PTGER1: variants seen among roughly 807,000 people sequenced by gnomAD.
PTGER1 encodes the protein prostaglandin E2 receptor EP1 subtype.
In PTGER1, 15 loss-of-function variants were observed where a neutral mutation model predicts 18.5. That is an observed-to-expected ratio of 0.81 (90% confidence interval 0.54 to 1.25). The LOEUF is 1.25. Ranked by LOEUF, PTGER1 falls within the 50% of genes most tolerant of loss-of-function variation. PTGER1 has a pLI of 0.00. For synonymous variants in PTGER1, 339 were observed against 308.4 expected, an observed-to-expected ratio of 1.10 and a Z score of -1.04; for missense variants, 567 against 603.4, an observed-to-expected ratio of 0.94 and a Z score of 0.63.
rs202027477 is a variant in PTGER1 at position 14,474,264 on chromosome 19, C to A, written c.57G>T (p.Ala19=). 2 of 1,530,710 alleles carry A rather than the reference C, an allele frequency of 1.3e-6. No homozygotes were observed. The highest frequency in any genetic ancestry group is 1.4e-5 in the African/African-American group (1 of 72,298). The allele number at this position is 1,530,710 out of a possible 1,614,324, so 94.8% of individuals were successfully genotyped here. ...LSLAGEATTC[A]APWVPNTSAV... The stretch of plus-strand genomic sequence containing the variant: ...CCGACGTGTTGGGGACCCAGGGCGC[C>A]GCGCATGTGGTCGCCTCGCCCGCCA... Residue 19 remains alanine, a synonymous_variant, in exon 2 of 3, where the codon GCG becomes GCT. Coordinates refer to ENST00000292513, the MANE Select transcript of PTGER1 (RefSeq NM_000955.3). This position sits in a 1 kb window ranked among gnomAD's most constrained non-coding sequence, Gnocchi z 5.4.
rs751931654 is a variant in PTGER1 at position 14,474,210 on chromosome 19, C to A, written c.111G>T (p.Ala37=). 22 of 1,525,504 alleles carry A rather than the reference C, an allele frequency of 1.4e-5. No homozygotes were observed. Among genetic ancestry groups the A allele is most frequent in the Non-Finnish European group, 1.8e-5 (20 of 1,142,136 alleles). The allele number at this position is 1,525,504 out of a possible 1,614,324, so 94.5% of individuals were successfully genotyped here. A position where few individuals can be genotyped will look rare whatever the true frequency, so the allele number is the denominator to read the frequency against. Residue 37 remains alanine, a synonymous_variant, in exon 2 of 3, where the codon GCG becomes GCT. Coordinates refer to ENST00000292513, the MANE Select transcript of PTGER1 (RefSeq NM_000955.3). The surrounding 1 kb of genome is among the most constrained non-coding windows in gnomAD (Gnocchi z 5.4). ...SAVPPSGASP[A]LPIFSMTLGA... is the part of the protein sequence containing the mutation. ...CCAGCGTCATGGAGAAGATGGGCAGCGCGGGCGAAGCGCCCGACGGCGGCA... is the reference window on the plus strand; with the variant it reads ...CCAGCGTCATGGAGAAGATGGGCAGAGCGGGCGAAGCGCCCGACGGCGGCA...
Position 14,473,215 on chromosome 19 carries a change from T to G in PTGER1, c.942+164A>C, listed in dbSNP as rs2071582176. On this transcript the variant is annotated intron_variant, in intron 2 of 2. Transcript: ENST00000292513. This position sits in a 1 kb window ranked among gnomAD's most constrained non-coding sequence, Gnocchi z 7.1. The stretch of plus-strand genomic sequence containing the variant: ...CTAGGAGGAAGGATGGGAGGTCAGA[T>G]GGAGAAGGCGATGCTGGCTTTCGGG... 6.6e-6 allele frequency among the ~76,000 whole-genome samples: 1 copy of G among 151,586 alleles called. No individual in the cohort carries two copies. The highest frequency in any genetic ancestry group is 6.6e-5 in the Admixed American group (1 of 15,234).
chr19:14,473,924 C>CG lies in PTGER1; in HGVS notation c.396dup (p.Val133ArgfsTer48). On this transcript the variant is annotated frameshift_variant, in exon 2 of 3. Transcript: ENST00000292513. LOFTEE classifies it high-confidence loss of function. This position sits in a 1 kb window ranked among gnomAD's most constrained non-coding sequence, Gnocchi z 7.1. ...CGCGTGACGCCCACGCAGCGCTCCACGGCCATGCCACAGCCCAGCAGCAGC... is the reference window on the plus strand; with the variant it reads ...CGCGTGACGCCCACGCAGCGCTCCACGGGCCATGCCACAGCCCAGCAGCAGC... The CG allele has an allele frequency of 6.9e-7, 1 of 1,447,402 alleles. No homozygotes were observed. Among genetic ancestry groups the CG allele is most frequent in the Non-Finnish European group, 9.1e-7 (1 of 1,103,876 alleles). The allele number at this position is 1,447,402 out of a possible 1,614,324, so 89.7% of individuals were successfully genotyped here. A position where few individuals can be genotyped will look rare whatever the true frequency, so the allele number is the denominator to read the frequency against.
Position 14,473,763 on chromosome 19 carries a change from C to T in PTGER1, c.558G>A (p.Thr186=). The change falls in exon 2 of 3, where the codon ACG becomes ACA. Residue 186 remains threonine, a synonymous_variant. Coordinates refer to ENST00000292513, the MANE Select transcript of PTGER1 (RefSeq NM_000955.3). The surrounding 1 kb of genome is among the most constrained non-coding windows in gnomAD (Gnocchi z 7.1). ...GGGGACCCAGGCCGATGAAGCACCA[C>T]GTGCCCGGGTACTGCAGCTCATAGC... ...VGRYELQYPG[T]WCFIGLGPPG... is the part of the protein sequence containing the mutation. 6.9e-7 allele frequency: 1 copy of T among 1,458,080 alleles called. No homozygotes were observed. Among genetic ancestry groups the T allele is most frequent in the Non-Finnish European group, 9.0e-7 (1 of 1,110,030 alleles). 90.3% of individuals were successfully genotyped at this position (1,458,080 alleles called of 1,614,324 possible).
chr19:14,472,853 A>G (rs2071578515), intron 2 of PTGER1, 27 bp from the exon 3 acceptor site: 1 of 1,529,066 alleles, frequency 6.5e-7, no homozygotes, highest in East Asian at 2.5e-5. Context: ...TGTGAGCTAT[A>G]GAGCAGGCGC....
At position 14,473,154 on chromosome 19, in the gene PTGER1, G is replaced by T. The variant is rs540312277; in HGVS notation, c.942+225C>A. Among the ~76,000 whole-genome samples the T allele has an allele frequency of 6.6e-6, 1 of 151,866 alleles. No homozygotes were observed. The highest frequency in any genetic ancestry group is 1.9e-4 in the East Asian group (1 of 5,140). ...AGGAGGCTTGTGTGGGTCGGGGTGC[G>T]CTACAAAGACCCCAAAAAGGAAGAG... On this transcript the variant is annotated intron_variant, in intron 2 of 2. Coordinates refer to ENST00000292513, the MANE Select transcript of PTGER1 (RefSeq NM_000955.3). This position sits in a 1 kb window ranked among gnomAD's most constrained non-coding sequence, Gnocchi z 7.1.
rs1374287965 is a variant in PTGER1, at chr19:14,474,145, TGCGCCAGCAGCGCCA to T, written c.161_175del (p.Leu54_Ala58del). ...GCGGCGTCGCAGGCGGCCCGCGGCC[TGCGCCAGCAGCGCCA>T]GCGCCAGCAGGTTGGACACGGCGCC... On this transcript the variant is annotated inframe_deletion, in exon 2 of 3. Transcript: ENST00000292513. This position sits in a 1 kb window ranked among gnomAD's most constrained non-coding sequence, Gnocchi z 5.4. 44 of 1,443,368 alleles carry T rather than the reference TGCGCCAGCAGCGCCA, an allele frequency of 3.0e-5. No individual in the cohort carries two copies. The highest frequency in any genetic ancestry group is 3.5e-5 in the Non-Finnish European group (39 of 1,109,424). 89.4% of individuals were successfully genotyped at this position (1,443,368 alleles called of 1,614,324 possible). A position where few individuals can be genotyped will look rare whatever the true frequency, so the allele number is the denominator to read the frequency against.
rs2071588515 is a variant in PTGER1, at chr19:14,473,693, G to C, written c.628C>G (p.Leu210Val). The C allele has an allele frequency of 6.8e-7, 1 of 1,476,316 alleles. No homozygotes were observed. Among genetic ancestry groups the C allele is most frequent in the Non-Finnish European group, 8.9e-7 (1 of 1,120,284 alleles). The allele number at this position is 1,476,316 out of a possible 1,614,324, so 91.5% of individuals were successfully genotyped here. A position where few individuals can be genotyped will look rare whatever the true frequency, so the allele number is the denominator to read the frequency against. ...GCGGCGAGGAGCGCGACCAGGCCGA[G>C]GCTGGCGAAGAGGCCAGCAAGCAGT... is the stretch of plus-strand genomic sequence containing the variant. ...QALLAGLFAS[L>V]GLVALLAALV... Residue 210 changes from leucine (L) to valine (V), a missense_variant, in exon 2 of 3, where the codon CTC (leucine) becomes GTC (valine). Leu to Val is a conservative substitution (Grantham distance 32). Transcript: ENST00000292513. This position sits in a 1 kb window ranked among gnomAD's most constrained non-coding sequence, Gnocchi z 7.1.
At position 14,472,818 on chromosome 19, in the gene PTGER1, C is replaced by A; in HGVS notation, c.951G>T (p.Val317=). The change falls in exon 3 of 3, where the codon GTG becomes GTT. Residue 317 remains valine, a synonymous_variant. Coordinates refer to ENST00000292513, the MANE Select transcript of PTGER1 (RefSeq NM_000955.3). ...AGCTCCAGCCGCCGACGGCCAGCGC[C>A]ACCAACACCTGCGGGGGAAGCCGGT... ...CICWSPMLVL[V]ALAVGGWSST... is the part of the protein sequence containing the mutation. The A allele has an allele frequency of 6.4e-7, 1 of 1,552,796 alleles. No individual in the cohort carries two copies. The highest frequency in any genetic ancestry group is 8.7e-7 in the Non-Finnish European group (1 of 1,151,024).
chr19:14,474,441 T>C lies in PTGER1; in HGVS notation c.-17-104A>G. The C allele has an allele frequency of 7.8e-7, 1 of 1,281,544 alleles. No homozygotes were observed. The highest frequency in any genetic ancestry group is 1.0e-6 in the Non-Finnish European group (1 of 987,046). 79.4% of individuals were successfully genotyped at this position (1,281,544 alleles called of 1,614,324 possible). Reference sequence around the variant, plus strand: ...CAGGGCCTGTTTGACTCCATGGCGTTCTCAGGCGGCCCCTCTGCCCATGGC... The same window carrying C: ...CAGGGCCTGTTTGACTCCATGGCGTCCTCAGGCGGCCCCTCTGCCCATGGC... On this transcript the variant is annotated intron_variant, in intron 1 of 2. Transcript: ENST00000292513. This position sits in a 1 kb window ranked among gnomAD's most constrained non-coding sequence, Gnocchi z 5.4.
Position 14,472,755 on chromosome 19 carries a change from G to A in PTGER1, c.1014C>T (p.Arg338=). ...CCAGGATCTGGTTCCAGGAGGCAAG[G>A]CGCACGGCCAGGAACAGTGGCCGCT... The part of the protein sequence containing the change: ...SLQRPLFLAV[R]LASWNQILDP... The change falls in exon 3 of 3, where the codon CGC becomes CGT. Residue 338 remains arginine, a synonymous_variant. Transcript: ENST00000292513. 1.9e-6 allele frequency: 3 copies of A among 1,598,650 alleles called. No individual in the cohort carries two copies. Among genetic ancestry groups the A allele is most frequent in the Non-Finnish European group, 2.6e-6 (3 of 1,173,126 alleles).
rs1478249305 is a variant in PTGER1, at chr19:14,474,223, C to A, written c.98G>T (p.Gly33Val). The stretch of plus-strand genomic sequence containing the variant: ...GAAGATGGGCAGCGCGGGCGAAGCG[C>A]CCGACGGCGGCACGGCCGACGTGTT... ...VPNTSAVPPS[G>V]ASPALPIFSM... Residue 33 changes from glycine (G) to valine (V), a missense_variant, in exon 2 of 3, where the codon GGC becomes GTC. Transcript: ENST00000292513. This position sits in a 1 kb window ranked among gnomAD's most constrained non-coding sequence, Gnocchi z 5.4. 1 of 1,526,954 alleles carries A rather than the reference C, an allele frequency of 6.5e-7. No homozygotes were observed. The highest frequency in any genetic ancestry group is 1.4e-5 in the African/African-American group (1 of 71,782). The allele number at this position is 1,526,954 out of a possible 1,614,324, so 94.6% of individuals were successfully genotyped here.
Position 14,473,601 on chromosome 19 carries a change from C to A in PTGER1, c.720G>T (p.Arg240=), listed in dbSNP as rs1599339546. 1 of 1,463,432 alleles carries A rather than the reference C, an allele frequency of 6.8e-7. No homozygotes were observed. The highest frequency in any genetic ancestry group is 2.8e-5 in the East Asian group (1 of 35,474). The allele number at this position is 1,463,432 out of a possible 1,614,324, so 90.7% of individuals were successfully genotyped here. A position where few individuals can be genotyped will look rare whatever the true frequency, so the allele number is the denominator to read the frequency against. The stretch of plus-strand genomic sequence containing the variant: ...TGTCGGGGCCTGAGGCCGGGGGAGG[C>A]CGTCGGGAGCGGCGTCGCCAGCGGG... The part of the protein sequence containing the change: ...LRARWRRRSR[R]PPPASGPDSR... The change falls in exon 2 of 3, where the codon CGG becomes CGT. Residue 240 remains arginine, a synonymous_variant. Transcript: ENST00000292513. This position sits in a 1 kb window ranked among gnomAD's most constrained non-coding sequence, Gnocchi z 7.1.
chr19:14,473,589 G>T lies in PTGER1; in HGVS notation c.732C>A (p.Ala244=). 6.8e-7 allele frequency: 1 copy of T among 1,469,514 alleles called. No homozygotes were observed. Among genetic ancestry groups the T allele is most frequent in the Non-Finnish European group, 8.9e-7 (1 of 1,120,854 alleles). 91.0% of individuals were successfully genotyped at this position (1,469,514 alleles called of 1,614,324 possible). Residue 244 remains alanine (A), a synonymous_variant, in exon 2 of 3, where the codon GCC becomes GCA. Coordinates refer to ENST00000292513, the MANE Select transcript of PTGER1 (RefSeq NM_000955.3). This position sits in a 1 kb window ranked among gnomAD's most constrained non-coding sequence, Gnocchi z 7.1. Reference sequence around the variant, plus strand: ...AGCGACGCCGGCTGTCGGGGCCTGAGGCCGGGGGAGGCCGTCGGGAGCGGC... The same window carrying T: ...AGCGACGCCGGCTGTCGGGGCCTGATGCCGGGGGAGGCCGTCGGGAGCGGC... ...WRRRSRRPPP[A]SGPDSRRRWG...
chr19:14,472,689 G>T lies in PTGER1; in HGVS notation c.1080C>A (p.Arg360=). 6.2e-7 allele frequency: 1 copy of T among 1,611,972 alleles called. No individual in the cohort carries two copies. The highest frequency in any genetic ancestry group is 8.5e-7 in the Non-Finnish European group (1 of 1,179,204). Residue 360 remains arginine, a synonymous_variant, in exon 3 of 3, where the codon CGC becomes CGA. Transcript: ENST00000292513. ...TCGGGGGCAAGAGGCGAAGCAGTTGGCGCAGCACGGCCTGGCGCAGTAGGA... is the reference window on the plus strand; with the variant it reads ...TCGGGGGCAAGAGGCGAAGCAGTTGTCGCAGCACGGCCTGGCGCAGTAGGA... ...VYILLRQAVL[R]QLLRLLPPRA... is the part of the protein sequence containing the mutation.
rs1481128606 is a variant in PTGER1, at chr19:14,474,448, C to A, written c.-17-111G>T. The A allele has an allele frequency of 1.6e-6, 2 of 1,244,674 alleles. No homozygotes were observed. The highest frequency in any genetic ancestry group is 1.6e-5 in the African/African-American group (1 of 62,288). 77.1% of individuals were successfully genotyped at this position (1,244,674 alleles called of 1,614,324 possible). ...TGTTTGACTCCATGGCGTTCTCAGG[C>A]GGCCCCTCTGCCCATGGCAGTTGCC... On this transcript the variant is annotated intron_variant, in intron 1 of 2. Coordinates refer to ENST00000292513, the MANE Select transcript of PTGER1 (RefSeq NM_000955.3). This position sits in a 1 kb window ranked among gnomAD's most constrained non-coding sequence, Gnocchi z 5.4.
In PTGER1 at chr19:14,472,665, C is replaced by T. The variant is rs759905580; in HGVS notation, c.1104G>A (p.Pro368=). 3.1e-6 allele frequency: 5 copies of T among 1,610,562 alleles called. No individual in the cohort carries two copies. The East Asian group carries it at 6.7e-5, about 22-fold the overall frequency. The change falls in exon 3 of 3, where the codon CCG becomes CCA. Residue 368 remains proline, a synonymous_variant. Transcript: ENST00000292513. ...VLRQLLRLLP[P]RAGAKGGPAG... is the part of the protein sequence containing the mutation. ...CGGGGCCGCCCTTGGCTCCGGCCCT[C>T]GGGGGCAAGAGGCGAAGCAGTTGGC...
Position 14,473,905 on chromosome 19 carries a change from A to G in PTGER1, c.416T>C (p.Val139Ala), listed in dbSNP as rs1448675313. The G allele has an allele frequency of 3.7e-6, 5 of 1,358,126 alleles. No individual in the cohort carries two copies. Among genetic ancestry groups the G allele is most frequent in the Non-Finnish European group, 4.7e-6 (5 of 1,058,050 alleles). 84.1% of individuals were successfully genotyped at this position (1,358,126 alleles called of 1,614,324 possible). Residue 139 changes from valine (V) to alanine (A), a missense_variant, in exon 2 of 3, where the codon GTC becomes GCC. Transcript: ENST00000292513. This position sits in a 1 kb window ranked among gnomAD's most constrained non-coding sequence, Gnocchi z 7.1. ...CGMAVERCVG[V>A]TRPLLHAARV... is the part of the protein sequence containing the mutation. ...CGCGGCGTGGAGCAGCGGCCGCGTGACGCCCACGCAGCGCTCCACGGCCAT... is the reference window on the plus strand; with the variant it reads ...CGCGGCGTGGAGCAGCGGCCGCGTGGCGCCCACGCAGCGCTCCACGGCCAT...
chr19:14,473,685 C>G lies in PTGER1; in HGVS notation c.636G>C (p.Leu212=). Residue 212 remains leucine (L), a synonymous_variant, in exon 2 of 3, where the codon CTG becomes CTC. Transcript: ENST00000292513. This position sits in a 1 kb window ranked among gnomAD's most constrained non-coding sequence, Gnocchi z 7.1. ...LLAGLFASLG[L]VALLAALVCN... ...ACACCAGCGCGGCGAGGAGCGCGAC[C>G]AGGCCGAGGCTGGCGAAGAGGCCAG... The G allele has an allele frequency of 1.4e-6, 2 of 1,475,238 alleles. No homozygotes were observed. The highest frequency in any genetic ancestry group is 1.5e-5 in the African/African-American group (1 of 68,196). 91.4% of individuals were successfully genotyped at this position (1,475,238 alleles called of 1,614,324 possible).
Sources: allele counts gnomAD v4.1 joint callset (sites outside exome capture counted in the v4.1 genomes callset), GRCh38; gene constraint gnomAD v4.1.1; non-coding constraint Gnocchi (gnomAD v3.1); transcripts MANE v1.5; gene names NCBI Gene and HGNC (gene_info 2026-07-23, HGNC 2026-07-21).